MACROD2: variants seen among roughly 807,000 people sequenced by gnomAD.
MACROD2 encodes the protein mono-ADP ribosylhydrolase 2.
MACROD2 carries 36 observed loss-of-function variants against 70.4 expected under a neutral mutation model. The ratio of observed to expected loss-of-function variants is 0.51; its 90% CI spans 0.39 to 0.68. MACROD2 has a LOEUF of 0.68. Among genes scored for constraint, MACROD2 ranks in the 30% least tolerant of loss-of-function variants. The pLI, the probability that MACROD2 is intolerant of heterozygous loss-of-function variation, is 0.00. For synonymous variants in MACROD2, 172 were observed against 178.8 expected (o/e 0.96, Z 0.30); for missense variants, 496 against 538.4 (o/e 0.92, Z 0.78).
chr20:15,046,819 A>G (rs761527357), intron 5 of MACROD2, among the ~76,000 whole-genome samples: 16 of 152,158 alleles, frequency 1.1e-4, no homozygotes, highest in Non-Finnish European at 2.2e-4. Context: ...AGTTGTAGCT[A>G]TTATACCTCA....
At chr20:14,757,660 G>A in intron 5 of MACROD2, 1 of 1,290,172 alleles carries the variant, frequency 7.8e-7, no homozygotes, top group East Asian at 2.3e-5. Flanking sequence ...AGCACCTGGA[G>A]CTGTCAGACA....
At chr20:15,526,398 A>C (rs2146538384) in intron 8 of MACROD2, among the ~76,000 whole-genome samples, 1 of 152,346 alleles carries the variant, frequency 6.6e-6, no homozygotes, top group Middle Eastern at 3.4e-3. Context: ...AAAGATGAGA[A>C]TATTTGGGGC....
chr20:14,009,815 T>C (rs2052875538), intron 2 of MACROD2, among the ~76,000 whole-genome samples: 1 of 152,190 alleles, frequency 6.6e-6, no homozygotes, highest in Non-Finnish European at 1.5e-5. Context: ...TCATGTCCTT[T>C]GCAGGGACCC....
intron 8 of MACROD2, among the ~76,000 whole-genome samples, chr20:15,630,471 C>T (rs982794609): frequency 3.9e-5 from 6 of 152,112 alleles, no homozygotes; most frequent in African/African-American, 1.4e-4. Context: ...TTTTTGTGAC[C>T]CTCTCATCTC....
intron 4 of MACROD2, among the ~76,000 whole-genome samples, chr20:14,659,595 T>TC (rs2123530526): frequency 6.6e-6 from 1 of 152,234 alleles, no homozygotes; most frequent in South Asian, 2.1e-4. Context: ...CAGTTTTTTT[T>TC]CTCTCTACCC....
chr20:14,035,575 G>A (rs1485087722), intron 2 of MACROD2, among the ~76,000 whole-genome samples: 1 of 152,050 alleles, frequency 6.6e-6, no homozygotes, highest in Non-Finnish European at 1.5e-5. Context: ...CATATGACAG[G>A]TTGCCATTTG....
intron 5 of MACROD2, among the ~76,000 whole-genome samples, chr20:15,161,726 C>A (rs1279624951): frequency 6.6e-6 from 1 of 151,928 alleles, no homozygotes; most frequent in South Asian, 2.1e-4. Context: ...AGAAGAAAAT[C>A]CAGTTTAGAA....
At chr20:15,496,238 A>C (rs2047296272) in intron 7 of MACROD2, among the ~76,000 whole-genome samples, 2 of 152,250 alleles carry the variant, frequency 1.3e-5, no homozygotes, top group African/African-American at 4.8e-5. Context: ...ACAAGTTTTG[A>C]GAGAGCTGTT....
chr20:14,963,424 T>A (rs1420327742), intron 5 of MACROD2, among the ~76,000 whole-genome samples: 1 of 152,120 alleles, frequency 6.6e-6, no homozygotes, highest in Non-Finnish European at 1.5e-5. Context: ...CGCTTGGGTT[T>A]TGACTAAGGC....
intron 8 of MACROD2, among the ~76,000 whole-genome samples, chr20:15,779,210 G>A (rs1413076538): frequency 6.6e-6 from 1 of 152,100 alleles, no homozygotes; most frequent in Admixed American, 6.5e-5. Context: ...CCCTAGAGTT[G>A]TTTGCATACA....
At chr20:15,764,620 T>C (rs1253207993) in intron 8 of MACROD2, among the ~76,000 whole-genome samples, 16 of 152,176 alleles carry the variant, frequency 1.1e-4, no homozygotes, top group Admixed American at 1.0e-3. Flanking sequence ...TTAAAATACG[T>C]CTTCTTCCGA....
At chr20:14,548,377 T>C (rs971023453) in intron 4 of MACROD2, among the ~76,000 whole-genome samples, 2 of 152,206 alleles carry the variant, frequency 1.3e-5, no homozygotes, top group African/African-American at 2.4e-5. Flanking sequence ...TCTTTTTTTT[T>C]CAATCATTTT....
chr20:15,450,953 TG>T (rs1368908479), intron 7 of MACROD2, among the ~76,000 whole-genome samples: 1 of 152,172 alleles, frequency 6.6e-6, no homozygotes, highest in East Asian at 1.9e-4. Context: ...AGTCTGATTA[TG>T]GGACATACTG....
At chr20:14,467,208 G>A (rs2084463832) in intron 3 of MACROD2, among the ~76,000 whole-genome samples, 2 of 152,136 alleles carry the variant, frequency 1.3e-5, no homozygotes, top group Non-Finnish European at 2.9e-5. Context: ...TGGCTGCTTT[G>A]TTTACCTACT....
intron 3 of MACROD2, among the ~76,000 whole-genome samples, chr20:14,389,651 C>T (rs1219732013): frequency 6.6e-6 from 1 of 152,178 alleles, no homozygotes; most frequent in Non-Finnish European, 1.5e-5. Context: ...ACAGTGTACA[C>T]TACAGTTAAT....
At chr20:15,723,637 C>A (rs528289122) in intron 8 of MACROD2, among the ~76,000 whole-genome samples, 11 of 152,244 alleles carry the variant, frequency 7.2e-5, no homozygotes, top group Admixed American at 7.2e-4. Flanking sequence ...CCTTTTATAG[C>A]TGGATAATAT....
At chr20:14,675,805 TCTCATGTG>T (rs2123571891) in intron 4 of MACROD2, among the ~76,000 whole-genome samples, 1 of 152,034 alleles carries the variant, frequency 6.6e-6, no homozygotes, top group Admixed American at 6.6e-5. Context: ...AGGAGACCCA[TCTCATGTG>T]CAAAGACACA....
At chr20:14,909,361 T>C (rs2073998339) in intron 5 of MACROD2, among the ~76,000 whole-genome samples, 1 of 152,066 alleles carries the variant, frequency 6.6e-6, no homozygotes, top group South Asian at 2.1e-4. Context: ...ATCTGATGGA[T>C]GTTATTAGGT....
intron 5 of MACROD2, among the ~76,000 whole-genome samples, chr20:14,957,454 C>T (rs1221831751): frequency 6.6e-6 from 1 of 152,142 alleles, no homozygotes; most frequent in Non-Finnish European, 1.5e-5. Context: ...GAAGAGGCTT[C>T]TAGTGGCAAA....
Sources: gnomAD v4.1 joint callset for allele counts (sites outside exome capture counted in the v4.1 genomes callset) on GRCh38, gnomAD v4.1.1 for gene constraint, MANE v1.5 for transcripts, NCBI Gene and HGNC (gene_info 2026-07-23, HGNC 2026-07-21) for gene names.